CEP128: variants seen among roughly 807,000 people sequenced by gnomAD.
CEP128 encodes the protein centrosomal protein 128kDa.
In CEP128, 132 loss-of-function variants were observed where a neutral mutation model predicts 156.7. The ratio of observed to expected loss-of-function variants is 0.84; its 90% CI spans 0.73 to 0.97. The LOEUF (loss-of-function observed/expected upper bound fraction) is 0.97. CEP128 is among the 50% of genes least tolerant of loss of function. CEP128 has a pLI of 0.00. For synonymous variants in CEP128, 469 were observed against 448.9 expected, an observed-to-expected ratio of 1.04 and a Z score of -0.57; for missense variants, 1,252 against 1,281.9, an observed-to-expected ratio of 0.98 and a Z score of 0.36.
chr14:80,876,081 A>G (rs1301974323), intron 8 of CEP128, among the ~76,000 whole-genome samples: 2 of 152,136 alleles, frequency 1.3e-5, no homozygotes, highest in African/African-American at 4.8e-5. Context: ...GATGAAGTCA[A>G]AAGTTCAAGA....
intron 16 of CEP128, among the ~76,000 whole-genome samples, chr14:80,765,982 G>T (rs1465364065): frequency 6.6e-6 from 1 of 152,164 alleles, no homozygotes; most frequent in Non-Finnish European, 1.5e-5. Context: ...TCCTAAAGTA[G>T]AAAGGAGAAA....
At chr14:80,729,086 T>G (rs1898154182) in intron 19 of CEP128, among the ~76,000 whole-genome samples, 5 of 66,588 alleles carry the variant, frequency 7.5e-5, no homozygotes, top group African/African-American at 1.7e-4. Flanking sequence ...TGTGTGTGTG[T>G]GTGTGTGTGT....
chr14:80,794,650 T>C (rs1901891944), intron 13 of CEP128, among the ~76,000 whole-genome samples: 1 of 152,200 alleles, frequency 6.6e-6, no homozygotes, highest in Admixed American at 6.5e-5. Context: ...AAAGTGGTTA[T>C]ACTTCCTGTT....
Position 80,932,497 on chromosome 14 carries a change from C to T in CEP128, c.-16+6888G>A, listed in dbSNP as rs73344073. On this transcript the variant is annotated intron_variant, in intron 2 of 24. Coordinates refer to ENST00000555265, the MANE Select transcript of CEP128 (RefSeq NM_152446.5). ...AAATATCCTGAGATTGCCTTGTGCACCAAAAAGCCTGCTTCCATTTCCAAC... is the reference window on the plus strand; with the variant it reads ...AAATATCCTGAGATTGCCTTGTGCATCAAAAAGCCTGCTTCCATTTCCAAC... Among the ~76,000 whole-genome samples the T allele has an allele frequency of 8.1e-3, 1,233 of 152,284 alleles. 18 individuals carry two copies. Among genetic ancestry groups the T allele is most frequent in the African/African-American group, 0.027 (1,126 of 41,556 alleles).
At chr14:80,742,706 C>A (rs1164275779) in intron 19 of CEP128, 1 of 204,814 alleles carries the variant, frequency 4.9e-6, no homozygotes. Flanking sequence ...ACTGATATAT[C>A]CTCTGTACCT....
chr14:80,662,952 T>C (rs2140901736), intron 19 of CEP128, among the ~76,000 whole-genome samples: 1 of 152,316 alleles, frequency 6.6e-6, no homozygotes, highest in East Asian at 1.9e-4. Context: ...ATTTAACAAA[T>C]AGTCACTCGT....
intron 2 of CEP128, among the ~76,000 whole-genome samples, chr14:80,925,953 A>C (rs1885121961): frequency 6.6e-6 from 1 of 152,100 alleles, no homozygotes; most frequent in Non-Finnish European, 1.5e-5. Flanking sequence ...GAAAAGGAGC[A>C]GCATCGAACC....
At chr14:80,655,399 T>C (rs1156443703) in intron 19 of CEP128, among the ~76,000 whole-genome samples, 1 of 152,206 alleles carries the variant, frequency 6.6e-6, no homozygotes, top group Non-Finnish European at 1.5e-5. Context: ...GCTACATGAA[T>C]TCATAATCTG....
upstream of CEP128, among the ~76,000 whole-genome samples, chr14:80,943,741 C>G (rs532182049): frequency 1.4e-4 from 22 of 152,132 alleles, no homozygotes; most frequent in Non-Finnish European, 2.6e-4. Flanking sequence ...AGCCTGTAAT[C>G]CCAGCACTTT....
chr14:80,742,924 A>G lies in CEP128; in HGVS notation c.2806+151T>C, dbSNP rs1006317654. ...AGAATTTTCTCTTCTCGTCCCAGAA[A>G]TGAAGAAAGATAAGAAGACAAAGAC... On this transcript the variant is annotated intron_variant, in intron 19 of 24. Coordinates refer to ENST00000555265, the MANE Select transcript of CEP128 (RefSeq NM_152446.5). 2.0e-5 allele frequency: 13 copies of G among 662,696 alleles called. No homozygotes were observed. The Middle Eastern group carries it at 1.2e-3, about 64-fold the overall frequency. 41.1% of individuals were successfully genotyped at this position (662,696 alleles called of 1,614,324 possible).
In CEP128 at chr14:80,862,746, T is replaced by G. The variant is rs1255569277; in HGVS notation, c.762+11A>C. The G allele has an allele frequency of 6.4e-7, 1 of 1,563,630 alleles. No individual in the cohort carries two copies. The highest frequency in any genetic ancestry group is 1.4e-5 in the African/African-American group (1 of 73,950). On this transcript the variant is annotated intron_variant, in intron 9 of 24. Coordinates refer to ENST00000555265, the MANE Select transcript of CEP128 (RefSeq NM_152446.5). ...CAAGATTTACATTCCATGAAAGTGTTTTTCACAAACCTCCTGTAGCTGCAG... is the reference window on the plus strand; with the variant it reads ...CAAGATTTACATTCCATGAAAGTGTGTTTCACAAACCTCCTGTAGCTGCAG...
intron 19 of CEP128, among the ~76,000 whole-genome samples, chr14:80,601,064 C>T (rs1892560391): frequency 6.6e-6 from 1 of 150,988 alleles, no homozygotes; most frequent in African/African-American, 2.4e-5. Flanking sequence ...TAAGAAAAAA[C>T]TCAAAAATAA....
At chr14:80,861,900 G>A (rs187645392) in intron 9 of CEP128, among the ~76,000 whole-genome samples, 33 of 152,174 alleles carry the variant, frequency 2.2e-4, no homozygotes, top group African/African-American at 7.9e-4. Context: ...AGATAAGTAT[G>A]TATATCATGT....
At chr14:80,716,973 T>C (rs1431044205) in intron 19 of CEP128, among the ~76,000 whole-genome samples, 2 of 152,230 alleles carry the variant, frequency 1.3e-5, no homozygotes, top group African/African-American at 4.8e-5. Flanking sequence ...ATTTCGCTGA[T>C]GGCTAATGTG....
chr14:80,590,499 G>A (rs1457472767), intron 19 of CEP128, among the ~76,000 whole-genome samples: 1 of 151,882 alleles, frequency 6.6e-6, no homozygotes, highest in East Asian at 1.9e-4. Flanking sequence ...CCTATATCTA[G>A]TGAAAATACT....
intron 19 of CEP128, among the ~76,000 whole-genome samples, chr14:80,638,656 C>G (rs1237606659): frequency 6.6e-6 from 1 of 152,178 alleles, no homozygotes; most frequent in Non-Finnish European, 1.5e-5. Context: ...TACAATGAGA[C>G]AGCGAATTCC....
chr14:80,930,282 G>A (rs1197859512), intron 2 of CEP128, among the ~76,000 whole-genome samples: 2 of 152,162 alleles, frequency 1.3e-5, no homozygotes, highest in Admixed American at 1.3e-4. Context: ...GTGACAAGCT[G>A]CATCTGGCGG....
chr14:80,946,440 G>A (rs1016924338), upstream of CEP128, among the ~76,000 whole-genome samples: 1 of 150,756 alleles, frequency 6.6e-6, no homozygotes, highest in African/African-American at 2.5e-5. Flanking sequence ...GAAATCTAAA[G>A]AGCCTTGACT....
chr14:80,745,186 G>C (rs564545215), intron 18 of CEP128, among the ~76,000 whole-genome samples: 1 of 152,192 alleles, frequency 6.6e-6, no homozygotes, highest in South Asian at 2.1e-4. Context: ...TCGTTTAAAG[G>C]TGTGTAGCAC....
Sources: allele counts gnomAD v4.1 joint callset (sites outside exome capture counted in the v4.1 genomes callset), GRCh38; gene constraint gnomAD v4.1.1; transcripts MANE v1.5; gene names NCBI Gene and HGNC (gene_info 2026-07-23, HGNC 2026-07-21).